Variants in DHRS4L2 observed in about 807,000 individuals in gnomAD.
DHRS4L2 encodes the protein dehydrogenase/reductase 4 like 2.
Under a neutral mutation model 23.9 loss-of-function variants are expected in DHRS4L2, and 22 were observed. The observed-to-expected ratio is 0.92, with a 90% CI of 0.66 to 1.31. The LOEUF (loss-of-function observed/expected upper bound fraction) is 1.31, where lower values mean the gene tolerates loss of function less well. Among genes scored for constraint, DHRS4L2 ranks in the 40% most tolerant of loss-of-function variants. The pLI is 0.00. For missense variants in DHRS4L2, 385 were observed against 303.3 expected, an observed-to-expected ratio of 1.27 and a Z score of -2.00; for synonymous variants, 141 against 123.7, an observed-to-expected ratio of 1.14 and a Z score of -0.93.
intron 1 of DHRS4L2, among the ~76,000 whole-genome samples, chr14:23,977,959 C>A (rs1482397322): frequency 6.6e-6 from 1 of 151,646 alleles, no homozygotes; most frequent in East Asian, 1.9e-4. Context: ...AAACACTCCT[C>A]TCTCTCTGGA....
At position 23,982,398 on chromosome 14, in the gene DHRS4L2, T is replaced by C. The variant is rs182008785; in HGVS notation, c.-175-7784T>C. 4.0e-5 allele frequency among the ~76,000 whole-genome samples: 6 copies of C among 151,752 alleles called. 1 individual carries two copies. Among genetic ancestry groups the C allele is most frequent in the South Asian group, 2.1e-4 (1 of 4,788 alleles). On this transcript the variant is annotated intron_variant, in intron 1 of 5. Transcript: ENST00000534993. ...TTAACAGCATCTCAGGGCAAAGCAA[T>C]TGTTCAGGGTACAGGTCAAAATGGA... is the stretch of plus-strand genomic sequence containing the variant.
At chr14:23,999,081 A>G (rs2034435635) in intron 3 of DHRS4L2, among the ~76,000 whole-genome samples, 1 of 148,438 alleles carries the variant, frequency 6.7e-6, no homozygotes, top group South Asian at 2.2e-4. Flanking sequence ...GAGAGAGATG[A>G]GAGAAGGGCA....
chr14:23,996,825 G>C (rs1236588369), intron 3 of DHRS4L2, among the ~76,000 whole-genome samples: 3,925 of 136,972 alleles, frequency 0.029, 15 homozygotes, highest in African/African-American at 0.089. Context: ...TATTGAGATG[G>C]GGTTTCACTG....
At position 23,993,967 on chromosome 14, in the gene DHRS4L2, C is replaced by G. The variant is rs992856367; in HGVS notation, c.307-1065C>G. 6.6e-5 allele frequency among the ~76,000 whole-genome samples: 10 copies of G among 151,236 alleles called. 1 individual carries two copies. Among genetic ancestry groups the G allele is most frequent in the Non-Finnish European group, 1.5e-4 (10 of 67,906 alleles). On this transcript the variant is annotated intron_variant, in intron 2 of 7. Transcript: ENST00000335125. ...TTGTGCCCTGAAAAAATCACTTCAC[C>G]CCTCCCAAACACAGAATAAGCAGGC...
At chr14:24,005,218 C>CT (rs1477236366) in intron 7 of DHRS4L2, among the ~76,000 whole-genome samples, 4 of 108,814 alleles carry the variant, frequency 3.7e-5, no homozygotes, top group African/African-American at 1.4e-4. Flanking sequence ...TTTTGTTTTT[C>CT]TTTGTCTTTT....
At chr14:23,995,000 A>C (rs1157469925) in intron 2 of DHRS4L2, 32 bp from the exon 3 acceptor site, 1 of 1,610,836 alleles carries the variant, frequency 6.2e-7, no homozygotes, top group African/African-American at 1.3e-5. Flanking sequence ...TACTTACTGC[A>C]GCCCTGGTCC....
intron 1 of DHRS4L2, among the ~76,000 whole-genome samples, chr14:23,976,663 A>G (rs1008218366): frequency 2.0e-5 from 3 of 151,882 alleles, no homozygotes; most frequent in Admixed American, 2.0e-4. Context: ...ACATATGTTT[A>G]TTGCAGCACT....
At chr14:23,984,901 A>T (rs2034113514), upstream of DHRS4L2, among the ~76,000 whole-genome samples, 1 of 151,262 alleles carries the variant, frequency 6.6e-6, no homozygotes, top group Non-Finnish European at 1.5e-5. Context: ...ATGAGTACAT[A>T]TGGAAGAAGG....
intron 3 of DHRS4L2, among the ~76,000 whole-genome samples, chr14:23,999,163 A>T (rs2034437151): frequency 6.8e-6 from 1 of 147,286 alleles, no homozygotes; most frequent in Non-Finnish European, 1.5e-5. Context: ...TGGTACCCCA[A>T]AACAATTATA....
Position 23,989,170 on chromosome 14 carries a change from T to C in DHRS4L2, c.128+95T>C, listed in dbSNP as rs983049721. On this transcript the variant is annotated intron_variant, in intron 1 of 7. Coordinates refer to ENST00000335125, the MANE Select transcript of DHRS4L2 (RefSeq NM_198083.4). ...CCTCCAGTGCCCCTGTCCTCAGACC[T>C]CACATACCGCCAAAGTCTGGCCATG... 72 of 1,509,080 alleles carry C rather than the reference T, an allele frequency of 4.8e-5. 5 individuals are homozygous for C. Among genetic ancestry groups the C allele is most frequent in the African/African-American group, 4.7e-4 (34 of 72,140 alleles). The allele number at this position is 1,509,080 out of a possible 1,614,324, so 93.5% of individuals were successfully genotyped here.
At chr14:23,997,646 G>A in intron 3 of DHRS4L2, among the ~76,000 whole-genome samples, 1 of 146,990 alleles carries the variant, frequency 6.8e-6, no homozygotes, top group African/African-American at 2.7e-5. Context: ...GTACGAACCA[G>A]CTCCTCAGCC....
At chr14:23,972,154 A>G (rs556262196) in intron 1 of DHRS4L2, among the ~76,000 whole-genome samples, 2 of 152,178 alleles carry the variant, frequency 1.3e-5, no homozygotes, top group South Asian at 4.2e-4. Context: ...TCTTGGTCTC[A>G]CTGACTTCAA....
chr14:23,974,986 A>C (rs144319302), intron 1 of DHRS4L2, among the ~76,000 whole-genome samples: 1 of 151,860 alleles, frequency 6.6e-6, no homozygotes, highest in African/African-American at 2.4e-5. Flanking sequence ...ATGAACATCA[A>C]TGCAAAAATC....
At chr14:24,000,090 GTTTCAATGGTTCA>G in intron 3 of DHRS4L2, among the ~76,000 whole-genome samples, 1 of 139,324 alleles carries the variant, frequency 7.2e-6, no homozygotes, top group South Asian at 2.2e-4. Context: ...TTGCAACTGA[GTTTCAATGGTTCA>G]TTTAAAAAAC....
At position 23,998,600 on chromosome 14, in the gene DHRS4L2, A is replaced by G. The variant is rs532536161; in HGVS notation, c.409-2263A>G. ...TTACAGAGGTGGCTTCTTAAACCTC[A>G]TGAACCAACCACTGCTAGCTTCCAA... On this transcript the variant is annotated intron_variant, in intron 3 of 7. Coordinates refer to ENST00000335125, the MANE Select transcript of DHRS4L2 (RefSeq NM_198083.4). Among the ~76,000 whole-genome samples the G allele has an allele frequency of 6.6e-5, 10 of 151,648 alleles. 1 individual carries two copies. Among genetic ancestry groups the G allele is most frequent in the Non-Finnish European group, 1.5e-5 (1 of 67,846 alleles).
intron 3 of DHRS4L2, among the ~76,000 whole-genome samples, chr14:23,997,670 C>T (rs8017432): frequency 0.12 from 17,970 of 145,830 alleles, 1,611 homozygotes; most frequent in East Asian, 0.29. Context: ...TACATTTTAT[C>T]GTGAGATTGT....
upstream of DHRS4L2, chr14:23,988,840 G>A: frequency 1.4e-6 from 2 of 1,452,622 alleles, no homozygotes; most frequent in East Asian, 2.5e-5. Flanking sequence ...GCTGGCCGAG[G>A]GCGGGAAGGG....
intron 2 of DHRS4L2, among the ~76,000 whole-genome samples, chr14:23,991,465 G>C (rs1296574029): frequency 6.6e-6 from 1 of 151,728 alleles, no homozygotes. Context: ...AATCCTCCTA[G>C]AAAAACAACC....
chr14:24,001,658 A>T, intron 6 of DHRS4L2, 141 bp downstream of exon 6: 1 of 1,286,886 alleles, frequency 7.8e-7, no homozygotes, highest in Non-Finnish European at 1.0e-6. Context: ...CCCTCTCTGT[A>T]CCACCTGCCC....
Sources: allele counts gnomAD v4.1 joint callset (sites outside exome capture counted in the v4.1 genomes callset), GRCh38; gene constraint gnomAD v4.1.1; transcripts MANE v1.5; gene names NCBI Gene and HGNC (gene_info 2026-07-23, HGNC 2026-07-21).